The following ATP2C1 variants were observed in gnomAD, a reference collection of about 807,000 sequenced individuals.
ATP2C1 encodes calcium-transporting ATPase type 2C member 1.
ATP2C1 carries 31 observed loss-of-function variants against 120.5 expected under a neutral mutation model. The ratio of observed to expected loss-of-function variants is 0.26; its 90% confidence interval spans 0.19 to 0.35. ATP2C1 has a LOEUF of 0.35. Among genes scored for constraint, ATP2C1 ranks in the 10% least tolerant of loss-of-function variants. The probability of loss-of-function intolerance (pLI) is 1.00; values close to 1 mark genes in which losing one functional copy is unlikely to be tolerated. For synonymous variants in ATP2C1, 351 were observed against 358.7 expected, an observed-to-expected ratio of 0.98 and a Z score of 0.24; for missense variants, 731 against 1,107.5, an observed-to-expected ratio of 0.66 and a Z score of 4.83.
chr3:130,988,053 GA>G (rs1023997869), intron 20 of ATP2C1, among the ~76,000 whole-genome samples: 4 of 152,012 alleles, frequency 2.6e-5, no homozygotes, highest in Admixed American at 2.6e-4. Flanking sequence ...TATTTCTACT[GA>G]ATCTATTCAC....
At chr3:130,891,181 A>G (rs1446139230), upstream of ATP2C1, among the ~76,000 whole-genome samples, 2 of 152,262 alleles carry the variant, frequency 1.3e-5, no homozygotes, top group Non-Finnish European at 1.5e-5. Flanking sequence ...TACTTTAAAC[A>G]ACATTAAAAC....
At chr3:130,964,374 G>T (rs1177330142) in intron 13 of ATP2C1, among the ~76,000 whole-genome samples, 2 of 152,030 alleles carry the variant, frequency 1.3e-5, no homozygotes, top group South Asian at 2.1e-4. Context: ...AAAATTAATA[G>T]AATTTTTTTC....
chr3:130,893,739 G>T (rs983674790), upstream of ATP2C1, among the ~76,000 whole-genome samples: 1 of 152,214 alleles, frequency 6.6e-6, no homozygotes, highest in Non-Finnish European at 1.5e-5. Context: ...TGGCCGACAC[G>T]GGGCGTGGGC....
chr3:131,003,138 T>C lies in ATP2C1; in HGVS notation c.*1788T>C. The C allele has an allele frequency of 1.0e-6, 1 of 982,596 alleles. No individual in the cohort carries two copies. The highest frequency in any genetic ancestry group is 4.7e-5 in the South Asian group (1 of 21,206). The allele number at this position is 982,596 out of a possible 1,614,324, so 60.9% of individuals were successfully genotyped here. ...CTTTGTACTATAAAAATAAAAATGA[T>C]TTCTTAAGTTAATGACATCCCAGTG... On this transcript the variant is annotated 3_prime_UTR_variant, in exon 28 of 28. Coordinates refer to ENST00000510168, the MANE Select transcript of ATP2C1 (RefSeq NM_001378687.1).
At chr3:130,850,895 A>G in exon 1 of ATP2C1, 1 of 1,429,818 alleles carries the variant, frequency 7.0e-7, no homozygotes, top group Non-Finnish European at 9.1e-7. Flanking sequence ...GGAGATATTT[A>G]TCGACGCTGA....
intron 2 of ATP2C1, among the ~76,000 whole-genome samples, chr3:130,924,019 A>G (rs985922834): frequency 2.0e-5 from 3 of 151,960 alleles, no homozygotes; most frequent in African/African-American, 7.3e-5. Context: ...ATTTTTATCC[A>G]TTCTTCCATT....
At position 130,990,154 on chromosome 3, in the gene ATP2C1, C is replaced by A. The variant is rs535479572; in HGVS notation, c.1840-2797C>A. Among the ~76,000 whole-genome samples, 82 of 151,830 alleles carry A rather than the reference C, an allele frequency of 5.4e-4. 1 individual carries two copies. In the East Asian group the frequency reaches 0.015, roughly 28 times the overall value. ...CTTTATGGTAGTACTGAGATTTATTCAGTTGTTCATTCATTTTATTTGTCT... is the reference window on the plus strand; with the variant it reads ...CTTTATGGTAGTACTGAGATTTATTAAGTTGTTCATTCATTTTATTTGTCT... On this transcript the variant is annotated intron_variant, in intron 20 of 27. Coordinates refer to ENST00000510168, the MANE Select transcript of ATP2C1 (RefSeq NM_001378687.1).
At chr3:130,946,122 T>C (rs1362152152) in intron 8 of ATP2C1, among the ~76,000 whole-genome samples, 2 of 152,178 alleles carry the variant, frequency 1.3e-5, no homozygotes, top group African/African-American at 4.8e-5. Context: ...TGTATCAGAC[T>C]TCTTTCAGAG....
chr3:130,996,131 G>GT lies in ATP2C1; in HGVS notation c.2126+21dup. ...GAGCACGTAAGTTTGCAAGAAATTT[G>GT]TCACCATGGGTCTTCTGGATAAATT... is the stretch of plus-strand genomic sequence containing the variant. On this transcript the variant is annotated intron_variant, in intron 23 of 27. Coordinates refer to ENST00000510168, the MANE Select transcript of ATP2C1 (RefSeq NM_001378687.1). The GT allele has an allele frequency of 6.6e-7, 1 of 1,524,030 alleles. No homozygotes were observed. Among genetic ancestry groups the GT allele is most frequent in the Non-Finnish European group, 9.1e-7 (1 of 1,097,952 alleles). The allele number at this position is 1,524,030 out of a possible 1,614,324, so 94.4% of individuals were successfully genotyped here. A position where few individuals can be genotyped will look rare whatever the true frequency, so the allele number is the denominator to read the frequency against.
At chr3:130,956,286 A>C in intron 11 of ATP2C1, 107 bp downstream of exon 11, 2 of 627,480 alleles carry the variant, frequency 3.2e-6, no homozygotes, top group Middle Eastern at 4.5e-4. Context: ...TTTTTTATTA[A>C]GTTTAATACT....
At chr3:130,972,118 G>A (rs2061343536) in intron 17 of ATP2C1, among the ~76,000 whole-genome samples, 1 of 152,154 alleles carries the variant, frequency 6.6e-6, no homozygotes, top group South Asian at 2.1e-4. Context: ...TTCTCTTAAG[G>A]AGTGCACAAC....
At chr3:130,933,295 A>G (rs950851586) in intron 4 of ATP2C1, among the ~76,000 whole-genome samples, 11 of 152,232 alleles carry the variant, frequency 7.2e-5, no homozygotes, top group Non-Finnish European at 1.6e-4. Flanking sequence ...CCTGCCATCC[A>G]TCAAGTGGTG....
chr3:130,983,220 C>T (rs902082808), intron 20 of ATP2C1, among the ~76,000 whole-genome samples: 3 of 152,068 alleles, frequency 2.0e-5, no homozygotes, highest in Non-Finnish European at 4.4e-5. Context: ...TATTATCTGC[C>T]AATGCATGTA....
chr3:130,859,112 A>C (rs7626632), intron 1 of ATP2C1, among the ~76,000 whole-genome samples: 6,760 of 152,276 alleles, frequency 0.044, 505 homozygotes, highest in African/African-American at 0.15. Flanking sequence ...TTCTAGTATA[A>C]TAGGCAATAG....
chr3:130,923,806 T>C (rs2059074827), intron 2 of ATP2C1, among the ~76,000 whole-genome samples: 1 of 148,380 alleles, frequency 6.7e-6, no homozygotes, highest in South Asian at 2.1e-4. Context: ...GTGAAGGTTG[T>C]AGGGAGTCTA....
Position 130,963,981 on chromosome 3 carries a change from G to A in ATP2C1, c.910G>A (p.Ala304Thr), listed in dbSNP as rs137853012. Reference protein sequence around the residue: ...MFTISVSLAVAAIPEGLPIVV... With the variant: ...MFTISVSLAVTAIPEGLPIVV... ...ATATGTTGGTTATAGTTTGGCTGTA[G>A]CAGCAATTCCTGAAGGTCTCCCCAT... The change falls in exon 13 of 28, where the codon GCA (alanine) becomes ACA (threonine). Residue 304 changes from alanine (A) to threonine (T), a missense_variant. Physicochemically the swap from Ala to Thr is moderately conservative, Grantham distance 58. Around this residue, in one of 3 missense-constraint regions of ATP2C1, gnomAD observed 571 missense variants for 845.9 expected, o/e 0.67. Transcript: ENST00000510168. 1 of 1,612,660 alleles carries A rather than the reference G, an allele frequency of 6.2e-7. No homozygotes were observed. Among genetic ancestry groups the A allele is most frequent in the Non-Finnish European group, 8.5e-7 (1 of 1,178,926 alleles).
At position 131,001,578 on chromosome 3, in the gene ATP2C1, A is replaced by C. The variant is rs78540252; in HGVS notation, c.*228A>C. The C allele has an allele frequency of 1.1e-4, 134 of 1,229,178 alleles. No individual in the cohort carries two copies. In the East Asian group the frequency reaches 4.3e-3, roughly 39 times the overall value. 76.1% of individuals were successfully genotyped at this position (1,229,178 alleles called of 1,614,324 possible). A position where few individuals can be genotyped will look rare whatever the true frequency, so the allele number is the denominator to read the frequency against. ...TTAAATTGGCTTTTGTGATTGAGTG[A>C]AACTTTATAAAGCATATGGTCAGTT... On this transcript the variant is annotated 3_prime_UTR_variant, in exon 28 of 28. Transcript: ENST00000510168.
chr3:131,016,122 T>G, intron 26 of ATP2C1: 3 of 1,612,474 alleles, frequency 1.9e-6, no homozygotes, highest in Non-Finnish European at 1.7e-6. Context: ...CCATCTGAAC[T>G]AAAGTTTCCC....
chr3:130,969,194 T>G, intron 16 of ATP2C1, 98 bp from the exon 17 acceptor site: 1 of 795,022 alleles, frequency 1.3e-6, no homozygotes, highest in African/African-American at 1.7e-5. Context: ...TGAAAAATAA[T>G]CCAGCCAACC....
Sources: allele counts gnomAD v4.1 joint callset (sites outside exome capture counted in the v4.1 genomes callset), GRCh38; gene constraint gnomAD v4.1.1; regional missense constraint gnomAD v4.1.1; transcripts MANE v1.5; gene names NCBI Gene and HGNC (gene_info 2026-07-23, HGNC 2026-07-21).